PRKAG2: variants seen among roughly 807,000 people sequenced by gnomAD.
PRKAG2 encodes 5'-AMP-activated protein kinase subunit gamma-2.
In PRKAG2, 26 loss-of-function variants were observed where a neutral mutation model predicts 69.6. The ratio of observed to expected loss-of-function variants is 0.37; its 90% CI spans 0.27 to 0.52. The LOEUF (loss-of-function observed/expected upper bound fraction) is 0.52, where lower values mean the gene tolerates loss of function less well. Ranked by LOEUF, PRKAG2 falls within the 20% of genes least tolerant of loss-of-function variation. The pLI is 0.90. For synonymous variants in PRKAG2, 293 were observed against 285.0 expected (o/e 1.03, Z -0.28); for missense variants, 557 against 740.0 (o/e 0.75, Z 2.87).
At chr7:151,559,507 G>T (rs1310099423) in intron 15 of PRKAG2, 9 of 981,178 alleles carry the variant, frequency 9.2e-6, no homozygotes, top group Non-Finnish European at 9.7e-6. Context: ...AATTCCAGGT[G>T]GTGGTGATGA....
Position 151,688,048 on chromosome 7 carries a change from C to CCCCCG in PRKAG2, c.467-12412_467-12411insCGGGG, listed in dbSNP as rs755123330. ...AGGAGGAGGAGGAAATGAGGCCCCC[C>CCCCCG]CCCGGGCTCCTTGCTGAGTCAGCAT... On this transcript the variant is annotated intron_variant, in intron 3 of 15. Transcript: ENST00000287878. Among the ~76,000 whole-genome samples the CCCCCG allele has an allele frequency of 6.9e-5, 10 of 143,896 alleles. 1 individual carries two copies. The highest frequency in any genetic ancestry group is 1.6e-4 in the Non-Finnish European group (10 of 64,146). The allele number at this position is 143,896 out of a possible 152,430, so 94.4% of individuals were successfully genotyped here. A position where few individuals can be genotyped will look rare whatever the true frequency, so the allele number is the denominator to read the frequency against.
intron 1 of PRKAG2, among the ~76,000 whole-genome samples, chr7:151,797,055 C>T (rs1246651218): frequency 2.0e-5 from 3 of 152,164 alleles, no homozygotes; most frequent in Non-Finnish European, 4.4e-5. Context: ...GCCCCACACC[C>T]GGCCCGGCCA....
chr7:151,691,619 C>T (rs1835682687), intron 3 of PRKAG2, among the ~76,000 whole-genome samples: 2 of 152,116 alleles, frequency 1.3e-5, no homozygotes, highest in Admixed American at 6.6e-5. Flanking sequence ...AATGAAACAT[C>T]ACTACACCTA....
intron 10 of PRKAG2, 80 bp downstream of exon 10, chr7:151,570,091 T>C: frequency 1.3e-6 from 2 of 1,493,496 alleles, no homozygotes; most frequent in Non-Finnish European, 1.8e-6. Context: ...AACATGTTTA[T>C]TTGTGTCTTT....
At position 151,614,130 on chromosome 7, in the gene PRKAG2, C is replaced by T. The variant is rs766021512; in HGVS notation, c.754+17939G>A. 4.6e-5 allele frequency among the ~76,000 whole-genome samples: 7 copies of T among 152,196 alleles called. No individual in the cohort carries two copies. The highest frequency in any genetic ancestry group is 3.9e-4 in the Admixed American group (6 of 15,280). ...CCGACCAGGAGGTGCCCCGTTCCCA[C>T]GGCTATGCTGAGCGCCCCAGCCAGC... On this transcript the variant is annotated intron_variant, in intron 5 of 15. Coordinates refer to ENST00000287878, the MANE Select transcript of PRKAG2 (RefSeq NM_016203.4). The surrounding 1 kb of genome is among the most constrained non-coding windows in gnomAD (Gnocchi z 4.4).
At chr7:151,578,927 CA>C (rs1809682904) in intron 6 of PRKAG2, among the ~76,000 whole-genome samples, 1 of 152,192 alleles carries the variant, frequency 6.6e-6, no homozygotes, top group Non-Finnish European at 1.5e-5. Flanking sequence ...GATTTTAAAA[CA>C]CACTGAATAT....
At chr7:151,633,004 G>A (rs1211048699) in intron 4 of PRKAG2, 4 of 152,246 alleles carry the variant, frequency 2.6e-5, no homozygotes, top group African/African-American at 7.2e-5. Context: ...TAGCCTCCTG[G>A]AAGGGCAGGA....
intron 3 of PRKAG2, among the ~76,000 whole-genome samples, chr7:151,686,008 C>T (rs1015915093): frequency 2.0e-5 from 3 of 152,150 alleles, no homozygotes; most frequent in African/African-American, 4.8e-5. Context: ...CGGTTTTGCT[C>T]TAAACCCTTG....
intron 1 of PRKAG2, among the ~76,000 whole-genome samples, chr7:151,796,261 C>T (rs1447864121): frequency 6.6e-6 from 1 of 152,070 alleles, no homozygotes; most frequent in African/African-American, 2.4e-5. Context: ...GGCTCTCCGC[C>T]CACACTGTGG....
chr7:151,844,719 A>G (rs567298234), intron 1 of PRKAG2, among the ~76,000 whole-genome samples: 23 of 152,338 alleles, frequency 1.5e-4, no homozygotes, highest in African/African-American at 5.3e-4. Flanking sequence ...TTTCGTCACC[A>G]GCATGTGACC....
intron 6 of PRKAG2, among the ~76,000 whole-genome samples, chr7:151,585,020 C>T (rs1811311795): frequency 6.6e-6 from 1 of 152,116 alleles, no homozygotes; most frequent in Non-Finnish European, 1.5e-5. Flanking sequence ...GACCACAAGA[C>T]ACATGATGAT....
At chr7:151,587,880 T>C (rs1244569001) in intron 6 of PRKAG2, among the ~76,000 whole-genome samples, 1 of 152,178 alleles carries the variant, frequency 6.6e-6, no homozygotes, top group East Asian at 1.9e-4. Context: ...CATGTATCAA[T>C]ATTGGTTCAT....
intron 3 of PRKAG2, among the ~76,000 whole-genome samples, chr7:151,767,897 T>C (rs1360219442): frequency 1.3e-5 from 2 of 152,214 alleles, no homozygotes; most frequent in African/African-American, 4.8e-5. Context: ...TGCCCAGAGA[T>C]TCTCATTTCT....
chr7:151,739,268 C>A (rs1387910014), intron 3 of PRKAG2, among the ~76,000 whole-genome samples: 2 of 152,130 alleles, frequency 1.3e-5, no homozygotes, highest in African/African-American at 2.4e-5. Context: ...GGGACCTGAC[C>A]CATCTCTGTC....
At position 151,787,492 on chromosome 7, in the gene PRKAG2, T is replaced by A. The variant is rs529406780; in HGVS notation, c.115-951A>T. Among the ~76,000 whole-genome samples the A allele has an allele frequency of 2.0e-5, 3 of 152,248 alleles. No individual in the cohort carries two copies. The East Asian group carries it at 5.8e-4, about 29-fold the overall frequency. ...GACTGTCTGACTCCACTTAGCATAA[T>A]GTCTTCAAGGCTCCTCCAGGTGGTA... On this transcript the variant is annotated intron_variant, in intron 1 of 15. Coordinates refer to ENST00000287878, the MANE Select transcript of PRKAG2 (RefSeq NM_016203.4).
At chr7:151,698,924 C>T (rs1837190417) in intron 3 of PRKAG2, among the ~76,000 whole-genome samples, 1 of 152,166 alleles carries the variant, frequency 6.6e-6, no homozygotes, top group Non-Finnish European at 1.5e-5. Flanking sequence ...CTCCAAGCCA[C>T]CCTGAGATGC....
At chr7:151,680,676 A>G (rs1833743399) in intron 3 of PRKAG2, among the ~76,000 whole-genome samples, 1 of 152,124 alleles carries the variant, frequency 6.6e-6, no homozygotes, top group Admixed American at 6.6e-5. Context: ...CTTTTCAGCC[A>G]CTGCTTTGCT....
Position 151,632,181 on chromosome 7 carries a change from G to A in PRKAG2, c.685-43C>T, listed in dbSNP as rs763772758. The stretch of plus-strand genomic sequence containing the variant: ...GACAGCGATCAGCATGAGCTGCGAC[G>A]CTCGTCCCCGGCCGGCGGGCTCGCG... On this transcript the variant is annotated intron_variant, in intron 4 of 15. Transcript: ENST00000287878. This position sits in a 1 kb window ranked among gnomAD's most constrained non-coding sequence, Gnocchi z 4.2. 57 of 1,252,688 alleles carry A rather than the reference G, an allele frequency of 4.6e-5. No homozygotes were observed. Among genetic ancestry groups the A allele is most frequent in the Non-Finnish European group, 5.3e-5 (52 of 989,118 alleles). 77.6% of individuals were successfully genotyped at this position (1,252,688 alleles called of 1,614,324 possible).
chr7:151,647,869 A>G (rs1307348289), intron 4 of PRKAG2, among the ~76,000 whole-genome samples: 1 of 152,234 alleles, frequency 6.6e-6, no homozygotes, highest in Non-Finnish European at 1.5e-5. Context: ...AGACGTCTTT[A>G]CAATGAATGT....
Sources: gnomAD v4.1 joint callset for allele counts (sites outside exome capture counted in the v4.1 genomes callset) on GRCh38, gnomAD v4.1.1 for gene constraint, Gnocchi (gnomAD v3.1) non-coding constraint, MANE v1.5 for transcripts, NCBI Gene and HGNC (gene_info 2026-07-23, HGNC 2026-07-21) for gene names.